Variants in HFM1 observed in about 807,000 individuals in gnomAD.
HFM1 encodes helicase for meiosis 1.
Under a neutral mutation model 192.1 loss-of-function variants are expected in HFM1, and 169 were observed. The ratio of observed to expected loss-of-function variants is 0.88; its 90% CI spans 0.78 to 1.00. The LOEUF (loss-of-function observed/expected upper bound fraction) is 1.00. HFM1 is among the 50% of genes least tolerant of loss of function. The pLI is 0.00. For synonymous variants in HFM1, 525 were observed against 537.8 expected (o/e 0.98, Z 0.33); for missense variants, 1,661 against 1,668.0 (o/e 1.00, Z 0.07).
intron 23 of HFM1, among the ~76,000 whole-genome samples, chr1:91,322,467 G>A (rs1259150698): frequency 6.6e-6 from 1 of 152,122 alleles, no homozygotes. Flanking sequence ...ACAAGTTACA[G>A]TGTAACCTTA....
At chr1:91,333,325 T>C (rs530972086) in intron 20 of HFM1, among the ~76,000 whole-genome samples, 1 of 152,254 alleles carries the variant, frequency 6.6e-6, no homozygotes, top group African/African-American at 2.4e-5. Flanking sequence ...CCCAGGTCAT[T>C]ATGCTGAGTG....
intron 20 of HFM1, among the ~76,000 whole-genome samples, chr1:91,334,695 C>T (rs557314829): frequency 6.6e-6 from 1 of 152,102 alleles, no homozygotes; most frequent in Non-Finnish European, 1.5e-5. Flanking sequence ...CTTTGGGAGG[C>T]CGAGGCAGGT....
At chr1:91,331,214 A>G (rs1253225526) in intron 20 of HFM1, among the ~76,000 whole-genome samples, 1 of 152,238 alleles carries the variant, frequency 6.6e-6, no homozygotes, top group Non-Finnish European at 1.5e-5. Context: ...AAATAATCTT[A>G]TATTTGGAAA....
At chr1:91,386,686 G>C (rs1212684940) in intron 4 of HFM1, among the ~76,000 whole-genome samples, 1 of 151,854 alleles carries the variant, frequency 6.6e-6, no homozygotes, top group Non-Finnish European at 1.5e-5. Flanking sequence ...ACAGTAAATA[G>C]TAAATTTCAT....
intron 30 of HFM1, among the ~76,000 whole-genome samples, chr1:91,286,630 A>G (rs958189280): frequency 2.6e-5 from 4 of 152,170 alleles, no homozygotes; most frequent in South Asian, 4.1e-4. Flanking sequence ...TCTATTCCAG[A>G]TAAGATCACA....
chr1:91,368,003 G>T (rs1659615674), intron 13 of HFM1, among the ~76,000 whole-genome samples: 1 of 152,068 alleles, frequency 6.6e-6, no homozygotes, highest in Non-Finnish European at 1.5e-5. Context: ...AGGGTATCAG[G>T]GATGGAAGAT....
chr1:91,323,320 A>C lies in HFM1; in HGVS notation c.2428-121T>G. On this transcript the variant is annotated intron_variant, in intron 21 of 38. Transcript: ENST00000370425. ...CCATCACAGTTTTATCAATGAACAT[A>C]ACAGAGTTAAAAACCTGCTTTATAC... The C allele has an allele frequency of 4.7e-6, 3 of 632,496 alleles. No individual in the cohort carries two copies. The South Asian group carries it at 6.1e-5, about 13-fold the overall frequency. The allele number at this position is 632,496 out of a possible 1,614,324, so 39.2% of individuals were successfully genotyped here.
At chr1:91,340,285 C>T (rs1655150679) in intron 20 of HFM1, among the ~76,000 whole-genome samples, 1 of 152,208 alleles carries the variant, frequency 6.6e-6, no homozygotes, top group Non-Finnish European at 1.5e-5. Context: ...GCTGGGATTA[C>T]AGGCACAAGC....
Position 91,261,279 on chromosome 1 carries a change from A to G in HFM1, c.*11T>C. 8.5e-7 allele frequency: 1 copy of G among 1,170,432 alleles called. No individual in the cohort carries two copies. Among genetic ancestry groups the G allele is most frequent in the Non-Finnish European group, 1.1e-6 (1 of 872,038 alleles). 72.5% of individuals were successfully genotyped at this position (1,170,432 alleles called of 1,614,324 possible). The stretch of plus-strand genomic sequence containing the variant: ...TCTTTCTCTTATCAATATAAAAAGT[A>G]TTTGTTTGTTTTAGAAAATACCATC... On this transcript the variant is annotated 3_prime_UTR_variant, in exon 39 of 39. Coordinates refer to ENST00000370425, the MANE Select transcript of HFM1 (RefSeq NM_001017975.6).
At chr1:91,276,812 T>A in intron 31 of HFM1, 69 bp from the exon 32 acceptor site, 1 of 903,052 alleles carries the variant, frequency 1.1e-6, no homozygotes, top group Non-Finnish European at 1.7e-6. Context: ...CAAATTTCTT[T>A]AAAATTTCAA....
chr1:91,264,015 C>T (rs931335238), intron 36 of HFM1, among the ~76,000 whole-genome samples: 8 of 152,142 alleles, frequency 5.3e-5, no homozygotes, highest in African/African-American at 1.9e-4. Context: ...ATGGTTATAT[C>T]CGTTTATTCT....
Position 91,261,369 on chromosome 1 carries a change from A to C in HFM1, c.4239-10T>G, listed in dbSNP as rs755972223. ...ATCAGGATGATACATACTGGGAGAAAGAAGAAAAAGTAAAAATAACTATTT... is the reference window on the plus strand; with the variant it reads ...ATCAGGATGATACATACTGGGAGAACGAAGAAAAAGTAAAAATAACTATTT... On this transcript the variant is annotated splice_polypyrimidine_tract_variant and intron_variant, in intron 38 of 38. Coordinates refer to ENST00000370425, the MANE Select transcript of HFM1 (RefSeq NM_001017975.6). The C allele has an allele frequency of 1.8e-5, 24 of 1,309,406 alleles. No homozygotes were observed. Among genetic ancestry groups the C allele is most frequent in the Non-Finnish European group, 2.4e-5 (24 of 992,636 alleles). 81.1% of individuals were successfully genotyped at this position (1,309,406 alleles called of 1,614,324 possible). A position where few individuals can be genotyped will look rare whatever the true frequency, so the allele number is the denominator to read the frequency against.
intron 30 of HFM1, among the ~76,000 whole-genome samples, chr1:91,280,610 G>C (rs1309857235): frequency 6.6e-6 from 1 of 152,244 alleles, no homozygotes; most frequent in Non-Finnish European, 1.5e-5. Flanking sequence ...TCTTGCAGAA[G>C]ACTTGCCATG....
At chr1:91,407,207 G>T (rs148207085), upstream of HFM1, among the ~76,000 whole-genome samples, 496 of 152,212 alleles carry the variant, frequency 3.3e-3, 2 homozygotes, top group Non-Finnish European at 5.1e-3. Context: ...GGGCCCGTTG[G>T]GGGGTGAGGG....
Position 91,298,102 on chromosome 1 carries a change from T to C in HFM1, c.3391+15247A>G, listed in dbSNP as rs546404752. 9.2e-5 allele frequency among the ~76,000 whole-genome samples: 14 copies of C among 152,250 alleles called. 1 individual carries two copies. The highest frequency in any genetic ancestry group is 3.4e-4 in the African/African-American group (14 of 41,556). Reference sequence around the variant, plus strand: ...GCAGAGAAGTCCTTAAAGGACCTGATGGAGCTGAAAACCACAGCACAAGAA... The same window carrying C: ...GCAGAGAAGTCCTTAAAGGACCTGACGGAGCTGAAAACCACAGCACAAGAA... On this transcript the variant is annotated intron_variant, in intron 30 of 38. Coordinates refer to ENST00000370425, the MANE Select transcript of HFM1 (RefSeq NM_001017975.6).
At chr1:91,308,229 A>G (rs1351050705) in intron 30 of HFM1, among the ~76,000 whole-genome samples, 2 of 152,096 alleles carry the variant, frequency 1.3e-5, no homozygotes, top group African/African-American at 4.8e-5. Context: ...TTAATTATGC[A>G]TATGTTAGAC....
intron 30 of HFM1, among the ~76,000 whole-genome samples, chr1:91,277,814 A>T (rs1667043430): frequency 8.0e-6 from 1 of 125,568 alleles, no homozygotes; most frequent in South Asian, 2.2e-4. Flanking sequence ...ACTAATATAT[A>T]ATATATATAC....
intron 20 of HFM1, among the ~76,000 whole-genome samples, chr1:91,337,860 A>G (rs1308354327): frequency 2.0e-5 from 3 of 152,346 alleles, no homozygotes; most frequent in Non-Finnish European, 2.9e-5. Flanking sequence ...GGAACTGAGA[A>G]AGGAGGAGGA....
chr1:91,293,644 T>C (rs1284306574), intron 30 of HFM1, among the ~76,000 whole-genome samples: 1 of 151,582 alleles, frequency 6.6e-6, no homozygotes, highest in Non-Finnish European at 1.5e-5. Context: ...AGTGTGGCGA[T>C]TCCTCAGGGA....
Sources: gnomAD v4.1 joint callset for allele counts (sites outside exome capture counted in the v4.1 genomes callset) on GRCh38, gnomAD v4.1.1 for gene constraint, MANE v1.5 for transcripts, NCBI Gene and HGNC (gene_info 2026-07-23, HGNC 2026-07-21) for gene names.